ATP8B1: variants seen among roughly 807,000 people sequenced by gnomAD.
The protein encoded by ATP8B1 is phospholipid-transporting ATPase IC.
A neutral mutation model predicts 149.9 loss-of-function variants in ATP8B1; 80 were observed. The observed-to-expected ratio is 0.53, with a 90% CI of 0.45 to 0.64. ATP8B1 has a LOEUF of 0.64. ATP8B1 is among the 30% of genes least tolerant of loss of function. ATP8B1 has a pLI of 0.00. For synonymous variants in ATP8B1, 536 were observed against 562.8 expected, an observed-to-expected ratio of 0.95 and a Z score of 0.67; for missense variants, 1,247 against 1,552.6, an observed-to-expected ratio of 0.80 and a Z score of 3.31.
At chr18:57,758,556 G>A (rs2123310711) in intron 1 of ATP8B1, among the ~76,000 whole-genome samples, 1 of 150,848 alleles carries the variant, frequency 6.6e-6, no homozygotes, top group Non-Finnish European at 1.5e-5. Context: ...GCTGAGGCAG[G>A]AGAATTGCTT....
At position 57,776,308 on chromosome 18, in the gene ATP8B1, T is replaced by C. The variant is rs558599885; in HGVS notation, c.-26+26690A>G. Among the ~76,000 whole-genome samples the C allele has an allele frequency of 4.8e-4, 73 of 152,376 alleles. 2 individuals carry two copies. The South Asian group carries it at 0.012, about 25-fold the overall frequency. ...CTTGTTGGGCATGCTGCTATAATTT[T>C]AAAGGTAATGACTGTAATAGTACCA... On this transcript the variant is annotated intron_variant, in intron 1 of 27. Transcript: ENST00000648908.
In ATP8B1 at chr18:57,784,987, C is replaced by T. The variant is rs373613753; in HGVS notation, c.-26+18011G>A. On this transcript the variant is annotated intron_variant, in intron 1 of 27. Transcript: ENST00000648908. This position sits in a 1 kb window ranked among gnomAD's most constrained non-coding sequence, Gnocchi z 4.4. ...TACAAAGTCTTTAATAAACTGGTGCCGGTCTTCTGTCTCAAAAAGTTCACG... is the reference window on the plus strand; with the variant it reads ...TACAAAGTCTTTAATAAACTGGTGCTGGTCTTCTGTCTCAAAAAGTTCACG... Among the ~76,000 whole-genome samples the T allele has an allele frequency of 6.6e-5, 10 of 152,106 alleles. No individual in the cohort carries two copies. Among genetic ancestry groups the T allele is most frequent in the African/African-American group, 2.2e-4 (9 of 41,422 alleles).
chr18:57,781,020 C>T (rs2080351526), intron 1 of ATP8B1, among the ~76,000 whole-genome samples: 2 of 152,188 alleles, frequency 1.3e-5, no homozygotes, highest in African/African-American at 4.8e-5. Context: ...TTGGGTCAGC[C>T]CACTGTTTAA....
At chr18:57,666,104 GT>G (rs977914526) in intron 20 of ATP8B1, among the ~76,000 whole-genome samples, 41 of 152,272 alleles carry the variant, frequency 2.7e-4, no homozygotes, top group African/African-American at 9.6e-4. Flanking sequence ...TATGTTAACA[GT>G]TTAATCTGAC....
At chr18:57,768,671 C>T (rs570445870) in intron 1 of ATP8B1, among the ~76,000 whole-genome samples, 1 of 147,490 alleles carries the variant, frequency 6.8e-6, no homozygotes, top group Non-Finnish European at 1.5e-5. Flanking sequence ...CAAAATATTA[C>T]ATAGCTAATC....
rs570724593 is a variant in ATP8B1, at chr18:57,784,502, G to A, written c.-26+18496C>T. Among the ~76,000 whole-genome samples the A allele has an allele frequency of 3.9e-5, 6 of 152,092 alleles. No homozygotes were observed. The highest frequency in any genetic ancestry group is 8.8e-5 in the Non-Finnish European group (6 of 68,014). ...GGTAGAAGCAACAGGCCTTGGAGACGGATTGGAAATGAAAGCAGGGTGCAG... is the reference window on the plus strand; with the variant it reads ...GGTAGAAGCAACAGGCCTTGGAGACAGATTGGAAATGAAAGCAGGGTGCAG... On this transcript the variant is annotated intron_variant, in intron 1 of 27. Coordinates refer to ENST00000648908, the MANE Select transcript of ATP8B1 (RefSeq NM_001374385.1). The surrounding 1 kb of genome is among the most constrained non-coding windows in gnomAD (Gnocchi z 4.4).
chr18:57,706,166 CCTTTCAAACTCATTA>C (rs1913380513), intron 3 of ATP8B1, among the ~76,000 whole-genome samples: 2 of 152,262 alleles, frequency 1.3e-5, no homozygotes, highest in South Asian at 4.1e-4. Context: ...TTAAGAGATT[CCTTTCAAACTCATTA>C]CTTTCAAACA....
chr18:57,718,103 T>TAAAAGAAAAAA (rs2079601278), intron 2 of ATP8B1, among the ~76,000 whole-genome samples: 1 of 31,798 alleles, frequency 3.1e-5, no homozygotes, highest in Non-Finnish European at 5.8e-5. Flanking sequence ...CTGGACTAAC[T>TAAAAGAAAAAA]AAAAAAAAAA....
At chr18:57,686,775 A>AT (rs1270951727) in intron 13 of ATP8B1, among the ~76,000 whole-genome samples, 2 of 152,110 alleles carry the variant, frequency 1.3e-5, no homozygotes, top group Non-Finnish European at 2.9e-5. Flanking sequence ...GGCTCAAGGG[A>AT]TGTGCCTGAC....
At chr18:57,768,335 A>G (rs1239726254) in intron 1 of ATP8B1, among the ~76,000 whole-genome samples, 2 of 147,468 alleles carry the variant, frequency 1.4e-5, no homozygotes, top group Non-Finnish European at 3.0e-5. Flanking sequence ...TGCAGTGAGC[A>G]AAGATCATGC....
chr18:57,698,844 C>T (rs780841530), intron 6 of ATP8B1, among the ~76,000 whole-genome samples: 1 of 152,180 alleles, frequency 6.6e-6, no homozygotes, highest in African/African-American at 2.4e-5. Context: ...CACATTCCCT[C>T]GCTAAAGTGA....
chr18:57,704,954 T>C (rs1171889122), intron 3 of ATP8B1, among the ~76,000 whole-genome samples: 5 of 152,070 alleles, frequency 3.3e-5, no homozygotes, highest in African/African-American at 1.2e-4. Flanking sequence ...CGTGGTGGCC[T>C]GCACCTGTAA....
At chr18:57,729,327 T>C (rs1204079768) in intron 2 of ATP8B1, among the ~76,000 whole-genome samples, 9 of 152,012 alleles carry the variant, frequency 5.9e-5, no homozygotes, top group Admixed American at 5.3e-4. Context: ...CTACATTTGG[T>C]AGAGATTCCA....
At position 57,802,193 on chromosome 18, in the gene ATP8B1, G is replaced by T. The variant is rs2080583510; in HGVS notation, c.-26+805C>A. 6.6e-6 allele frequency among the ~76,000 whole-genome samples: 1 copy of T among 152,130 alleles called. No homozygotes were observed. The highest frequency in any genetic ancestry group is 1.5e-5 in the Non-Finnish European group (1 of 68,020). On this transcript the variant is annotated intron_variant, in intron 1 of 27. Coordinates refer to ENST00000648908, the MANE Select transcript of ATP8B1 (RefSeq NM_001374385.1). This position sits in a 1 kb window ranked among gnomAD's most constrained non-coding sequence, Gnocchi z 4.9. Reference sequence around the variant, plus strand: ...AGTTGGAGAAGTGGGGGCGAGGGGTGTTAAAGCACTGGGCCATTCTCTGCA... The same window carrying T: ...AGTTGGAGAAGTGGGGGCGAGGGGTTTTAAAGCACTGGGCCATTCTCTGCA...
chr18:57,731,549 G>A (rs1435519601), intron 2 of ATP8B1, 78 bp downstream of exon 2: 6 of 1,501,558 alleles, frequency 4.0e-6, no homozygotes, highest in East Asian at 2.4e-5. Flanking sequence ...AAAATAGACC[G>A]ATCATCTTTG....
intron 15 of ATP8B1, among the ~76,000 whole-genome samples, chr18:57,680,767 C>G (rs1911925195): frequency 6.6e-6 from 1 of 152,098 alleles, no homozygotes; most frequent in Non-Finnish European, 1.5e-5. Context: ...CTAATGCAAA[C>G]CTTCAGCCTC....
chr18:57,694,742 C>T (rs778612080), intron 10 of ATP8B1, 72 bp from the exon 11 acceptor site: 212 of 1,075,660 alleles, frequency 2.0e-4, no homozygotes, highest in Non-Finnish European at 2.7e-4. Flanking sequence ...TAAAATTACT[C>T]TTCTTGGCCA....
chr18:57,710,787 A>G (rs1913650386), intron 2 of ATP8B1, among the ~76,000 whole-genome samples: 1 of 151,934 alleles, frequency 6.6e-6, no homozygotes. Context: ...GGCGCCCACC[A>G]TCATGCCCGG....
At chr18:57,779,735 T>C (rs987267108) in intron 1 of ATP8B1, among the ~76,000 whole-genome samples, 1 of 151,844 alleles carries the variant, frequency 6.6e-6, no homozygotes, top group African/African-American at 2.4e-5. Context: ...CCGTCTCTAC[T>C]AAAAACACAA....
Sources: gnomAD v4.1 joint callset for allele counts (sites outside exome capture counted in the v4.1 genomes callset) on GRCh38, gnomAD v4.1.1 for gene constraint, Gnocchi (gnomAD v3.1) non-coding constraint, MANE v1.5 for transcripts, NCBI Gene and HGNC (gene_info 2026-07-23, HGNC 2026-07-21) for gene names.